Variants in BTBD9 observed in about 807,000 individuals in gnomAD.
BTBD9 encodes the protein BTB domain containing 9.
A neutral mutation model predicts 64.3 loss-of-function variants in BTBD9; 49 were observed. The ratio of observed to expected loss-of-function variants is 0.76; its 90% CI spans 0.61 to 0.97. The LOEUF (loss-of-function observed/expected upper bound fraction) is 0.97. BTBD9 is among the 50% of genes least tolerant of loss of function. The probability of loss-of-function intolerance (pLI) is 0.00; values close to 1 mark genes in which losing one functional copy is unlikely to be tolerated. For missense variants in BTBD9, 598 were observed against 762.1 expected (o/e 0.78, Z 2.53); for synonymous variants, 260 against 274.7 (o/e 0.95, Z 0.53).
chr6:38,632,553 T>C (rs1400986726), intron 1 of BTBD9, among the ~76,000 whole-genome samples: 1 of 152,228 alleles, frequency 6.6e-6, no homozygotes, highest in Non-Finnish European at 1.5e-5. Flanking sequence ...GAGTTGACTT[T>C]ACTAAAATGT....
chr6:38,176,521 C>A (rs1339594795), intron 10 of BTBD9, among the ~76,000 whole-genome samples: 1 of 152,230 alleles, frequency 6.6e-6, no homozygotes, highest in Non-Finnish European at 1.5e-5. Flanking sequence ...AGACCCCTCA[C>A]TGCCTCACGG....
chr6:38,387,897 C>T (rs1466230429), intron 6 of BTBD9, among the ~76,000 whole-genome samples: 3 of 152,116 alleles, frequency 2.0e-5, no homozygotes, highest in South Asian at 2.1e-4. Flanking sequence ...AGAAAAATAA[C>T]GGCCCGCTTC....
At chr6:38,630,026 G>A (rs1408003281) in intron 1 of BTBD9, among the ~76,000 whole-genome samples, 1 of 151,728 alleles carries the variant, frequency 6.6e-6, no homozygotes, top group South Asian at 2.1e-4. Context: ...TGGCCAACAT[G>A]GTGAAAACCC....
chr6:38,174,709 T>G lies in BTBD9; in HGVS notation c.*276A>C. The G allele has an allele frequency of 2.2e-6, 1 of 461,618 alleles. No homozygotes were observed. Among genetic ancestry groups the G allele is most frequent in the East Asian group, 3.6e-5 (1 of 28,050 alleles). 28.6% of individuals were successfully genotyped at this position (461,618 alleles called of 1,614,324 possible). A position where few individuals can be genotyped will look rare whatever the true frequency, so the allele number is the denominator to read the frequency against. The stretch of plus-strand genomic sequence containing the variant: ...TCCTGTTCCCTGCGCCTGGGCTAGA[T>G]TAGAGAGGTAGGGTGTTAATGGTGG... On this transcript the variant is annotated 3_prime_UTR_variant, in exon 11 of 11. Transcript: ENST00000481247.
rs1766626640 is a variant in BTBD9 at position 38,168,807 on chromosome 6, C to G, written c.*6178G>C. 6.6e-6 allele frequency: 1 copy of G among 152,258 alleles called. No individual in the cohort carries two copies. The highest frequency in any genetic ancestry group is 6.5e-5 in the Admixed American group (1 of 15,290). The allele number at this position is 152,258 out of a possible 1,614,324, so 9.4% of individuals were successfully genotyped here. ...CTGGTGAATCCGGATTCAAGACAGGCTTCGCAAAAGCAGCTCTTGGGCCGA... is the reference window on the plus strand; with the variant it reads ...CTGGTGAATCCGGATTCAAGACAGGGTTCGCAAAAGCAGCTCTTGGGCCGA... On this transcript the variant is annotated 3_prime_UTR_variant, in exon 11 of 11. Transcript: ENST00000481247.
chr6:38,587,815 G>A, intron 4 of BTBD9: 1 of 715,918 alleles, frequency 1.4e-6, no homozygotes, highest in Non-Finnish European at 2.7e-6. Context: ...TCAGGTTATG[G>A]CAGCAAGTAT....
intron 6 of BTBD9, among the ~76,000 whole-genome samples, chr6:38,474,611 A>T (rs1034988967): frequency 6.6e-6 from 1 of 152,226 alleles, no homozygotes; most frequent in African/African-American, 2.4e-5. Context: ...AACTAATCAA[A>T]GCCATCTTCA....
intron 8 of BTBD9, among the ~76,000 whole-genome samples, chr6:38,287,107 T>TACAC (rs1468141515): frequency 1.2e-4 from 7 of 57,550 alleles, no homozygotes; most frequent in African/African-American, 4.3e-4. Flanking sequence ...AAAAAAAAAA[T>TACAC]ATACACACAC....
At chr6:38,522,824 T>G (rs957005240) in intron 6 of BTBD9, among the ~76,000 whole-genome samples, 1 of 152,084 alleles carries the variant, frequency 6.6e-6, no homozygotes, top group African/African-American at 2.4e-5. Context: ...ATTCTAGTTT[T>G]CCCTCTGTAG....
At chr6:38,436,445 G>A (rs1246053610) in intron 6 of BTBD9, among the ~76,000 whole-genome samples, 5 of 142,306 alleles carry the variant, frequency 3.5e-5, no homozygotes, top group South Asian at 4.3e-4. Context: ...GCACGATCTC[G>A]GCTCACTGCA....
intron 6 of BTBD9, among the ~76,000 whole-genome samples, chr6:38,388,486 T>C (rs1766280328): frequency 6.6e-6 from 1 of 152,268 alleles, no homozygotes; most frequent in African/African-American, 2.4e-5. Context: ...TGTGTTCCAC[T>C]GAAGAGAAGG....
At chr6:38,463,273 T>C (rs1275644569) in intron 6 of BTBD9, among the ~76,000 whole-genome samples, 2 of 152,246 alleles carry the variant, frequency 1.3e-5, no homozygotes, top group Non-Finnish European at 2.9e-5. Context: ...TTAGTAGCTT[T>C]TTTGTGGATT....
chr6:38,444,089 C>G (rs1263791120), intron 6 of BTBD9, among the ~76,000 whole-genome samples: 1 of 152,174 alleles, frequency 6.6e-6, no homozygotes, highest in Non-Finnish European at 1.5e-5. Context: ...CCTTCTTTGT[C>G]CATACCTTTT....
chr6:38,406,533 G>C (rs920704890), intron 6 of BTBD9, among the ~76,000 whole-genome samples: 2 of 152,168 alleles, frequency 1.3e-5, no homozygotes, highest in African/African-American at 4.8e-5. Flanking sequence ...CCAATTCCCA[G>C]TGGTAGTACT....
chr6:38,581,139 C>T (rs568680222), intron 4 of BTBD9, among the ~76,000 whole-genome samples: 4 of 152,204 alleles, frequency 2.6e-5, no homozygotes, highest in Non-Finnish European at 5.9e-5. Context: ...ATGCGATGAG[C>T]TGAGATCGCG....
chr6:38,391,351 A>G (rs1307582241), intron 6 of BTBD9, among the ~76,000 whole-genome samples: 1 of 152,214 alleles, frequency 6.6e-6, no homozygotes, highest in Non-Finnish European at 1.5e-5. Context: ...TAGCACATAT[A>G]GGTCACAGTA....
At chr6:38,230,146 A>T (rs949509867) in intron 9 of BTBD9, among the ~76,000 whole-genome samples, 1 of 152,168 alleles carries the variant, frequency 6.6e-6, no homozygotes, top group African/African-American at 2.4e-5. Context: ...ACAGTTCCAT[A>T]TTTAGCCCCC....
Position 38,171,596 on chromosome 6 carries a change from G to A in BTBD9, c.*3389C>T, listed in dbSNP as rs1766766772. 1 of 105,390 alleles carries A rather than the reference G, an allele frequency of 9.5e-6. No homozygotes were observed. The highest frequency in any genetic ancestry group is 2.1e-5 in the Non-Finnish European group (1 of 47,424). 6.5% of individuals were successfully genotyped at this position (105,390 alleles called of 1,614,324 possible). On this transcript the variant is annotated 3_prime_UTR_variant, in exon 11 of 11. Coordinates refer to ENST00000481247, the MANE Select transcript of BTBD9 (RefSeq NM_001099272.2). ...TGTGTGTGTGTGTGTGTGTGTGTGT[G>A]TGTGTGTGAGAGGGAGAGACGGTGG...
intron 6 of BTBD9, among the ~76,000 whole-genome samples, chr6:38,404,534 C>T (rs558487330): frequency 2.8e-5 from 4 of 143,382 alleles, no homozygotes; most frequent in East Asian, 2.4e-4. Flanking sequence ...TGAAAGCTTC[C>T]GCCCAGAGCA....
Sources: gnomAD v4.1 joint callset for allele counts (sites outside exome capture counted in the v4.1 genomes callset) on GRCh38, gnomAD v4.1.1 for gene constraint, MANE v1.5 for transcripts, NCBI Gene and HGNC (gene_info 2026-07-23, HGNC 2026-07-21) for gene names.